KCTD8: variants seen among roughly 807,000 people sequenced by gnomAD.
KCTD8 encodes potassium channel tetramerization domain containing 8.
A neutral mutation model predicts 31.5 loss-of-function variants in KCTD8; 27 were observed. The ratio of observed to expected loss-of-function variants is 0.86; its 90% CI spans 0.63 to 1.18. The LOEUF (loss-of-function observed/expected upper bound fraction) is 1.18, where lower values mean the gene tolerates loss of function less well. KCTD8 is among the 50% of genes most tolerant of loss of function. The pLI is 0.00. For missense variants in KCTD8, 658 were observed against 647.7 expected, an observed-to-expected ratio of 1.02 and a Z score of -0.17; for synonymous variants, 290 against 280.0, an observed-to-expected ratio of 1.04 and a Z score of -0.36.
At chr4:44,285,288 A>C (rs1717030360) in intron 1 of KCTD8, among the ~76,000 whole-genome samples, 2 of 152,222 alleles carry the variant, frequency 1.3e-5, no homozygotes, top group Non-Finnish European at 1.5e-5. Context: ...AATACTATGC[A>C]CCCATAAAAC....
chr4:44,216,203 TC>T (rs1241809898), intron 1 of KCTD8, among the ~76,000 whole-genome samples: 1 of 152,190 alleles, frequency 6.6e-6, no homozygotes, highest in East Asian at 1.9e-4. Context: ...AATTTAGTTT[TC>T]TAATTCCCAT....
chr4:44,338,438 G>A (rs1472622393), intron 1 of KCTD8, among the ~76,000 whole-genome samples: 1 of 152,108 alleles, frequency 6.6e-6, no homozygotes. Flanking sequence ...AAAGACCAGA[G>A]AGAGTAGAAC....
At chr4:44,177,437 T>G (rs1253339324) in intron 1 of KCTD8, among the ~76,000 whole-genome samples, 1 of 152,136 alleles carries the variant, frequency 6.6e-6, no homozygotes, top group Non-Finnish European at 1.5e-5. Context: ...CAGGTGTTGA[T>G]GTGGTTTGGC....
At chr4:44,385,372 G>A (rs1487611029) in intron 1 of KCTD8, among the ~76,000 whole-genome samples, 2 of 151,690 alleles carry the variant, frequency 1.3e-5, no homozygotes. Flanking sequence ...GAAGGAAATA[G>A]AATAGAAAGC....
intron 1 of KCTD8, among the ~76,000 whole-genome samples, chr4:44,349,349 CA>C (rs1011632617): frequency 6.6e-6 from 1 of 152,070 alleles, no homozygotes; most frequent in African/African-American, 2.4e-5. Flanking sequence ...CAGCACTGGG[CA>C]GGGGGCACCT....
At chr4:44,318,464 A>G (rs954846728) in intron 1 of KCTD8, among the ~76,000 whole-genome samples, 1 of 152,230 alleles carries the variant, frequency 6.6e-6, no homozygotes, top group Non-Finnish European at 1.5e-5. Context: ...TTTGTGCTCA[A>G]GATGTCATCT....
chr4:44,191,734 C>T (rs917804816), intron 1 of KCTD8, among the ~76,000 whole-genome samples: 1 of 152,056 alleles, frequency 6.6e-6, no homozygotes, highest in South Asian at 2.1e-4. Context: ...GCTCTTGAAC[C>T]CTGTTTTCTG....
intron 1 of KCTD8, among the ~76,000 whole-genome samples, chr4:44,252,528 T>C (rs1393946534): frequency 2.0e-5 from 3 of 151,786 alleles, no homozygotes; most frequent in African/African-American, 7.2e-5. Context: ...CATCTGTTAT[T>C]TTTTTATTTT....
intron 1 of KCTD8, among the ~76,000 whole-genome samples, chr4:44,277,172 A>C (rs1577589434): frequency 6.6e-6 from 1 of 151,888 alleles, no homozygotes; most frequent in African/African-American, 2.4e-5. Flanking sequence ...AACTCCTAAA[A>C]TGAGTACCTC....
At chr4:44,291,997 G>T (rs1717293592) in intron 1 of KCTD8, among the ~76,000 whole-genome samples, 1 of 146,420 alleles carries the variant, frequency 6.8e-6, no homozygotes, top group South Asian at 2.2e-4. Flanking sequence ...GTGTCAGTAA[G>T]GCTGTGGAGA....
chr4:44,380,400 C>G (rs558784356), intron 1 of KCTD8, among the ~76,000 whole-genome samples: 4 of 145,826 alleles, frequency 2.7e-5, no homozygotes, highest in Admixed American at 2.1e-4. Flanking sequence ...TCAATATTGG[C>G]AAGCGAGACT....
chr4:44,238,628 T>G (rs1347123700), intron 1 of KCTD8, among the ~76,000 whole-genome samples: 1 of 152,234 alleles, frequency 6.6e-6, no homozygotes, highest in Non-Finnish European at 1.5e-5. Flanking sequence ...TACAGAATTT[T>G]AGTGTAACTC....
chr4:44,299,459 G>T (rs934489421), intron 1 of KCTD8, among the ~76,000 whole-genome samples: 1 of 152,124 alleles, frequency 6.6e-6, no homozygotes, highest in South Asian at 2.1e-4. Flanking sequence ...TGCCGGGCGC[G>T]GTGGCTCACG....
chr4:44,182,924 T>C (rs1713472204), intron 1 of KCTD8, among the ~76,000 whole-genome samples: 2 of 152,228 alleles, frequency 1.3e-5, no homozygotes, highest in Admixed American at 1.3e-4. Context: ...AACATATATA[T>C]TAAGTACTTT....
intron 1 of KCTD8, among the ~76,000 whole-genome samples, chr4:44,346,655 A>C (rs1317905133): frequency 6.6e-6 from 1 of 152,170 alleles, no homozygotes; most frequent in Non-Finnish European, 1.5e-5. Context: ...CATGAAAGAG[A>C]CTGGGTATTG....
At chr4:44,229,290 A>G (rs1715050002) in intron 1 of KCTD8, among the ~76,000 whole-genome samples, 1 of 152,200 alleles carries the variant, frequency 6.6e-6, no homozygotes, top group Non-Finnish European at 1.5e-5. Flanking sequence ...AGCAGGTGCC[A>G]GGGAGAGGCT....
At chr4:44,223,350 C>T (rs1194354001) in intron 1 of KCTD8, among the ~76,000 whole-genome samples, 2 of 152,104 alleles carry the variant, frequency 1.3e-5, no homozygotes, top group African/African-American at 4.8e-5. Flanking sequence ...TACCTGGTAA[C>T]TTTGAGATAC....
chr4:44,210,027 A>C (rs1032517150), intron 1 of KCTD8, among the ~76,000 whole-genome samples: 1 of 152,184 alleles, frequency 6.6e-6, no homozygotes, highest in African/African-American at 2.4e-5. Flanking sequence ...TAAAAAGTGG[A>C]GCTCTAAGAG....
intron 1 of KCTD8, among the ~76,000 whole-genome samples, chr4:44,283,455 G>A (rs933845917): frequency 2.0e-5 from 3 of 152,084 alleles, no homozygotes; most frequent in African/African-American, 7.2e-5. Context: ...AGGACAGGTT[G>A]ACTCTCTTGT....
Sources: gnomAD v4.1 joint callset for allele counts (sites outside exome capture counted in the v4.1 genomes callset) on GRCh38, gnomAD v4.1.1 for gene constraint, MANE v1.5 for transcripts, NCBI Gene and HGNC (gene_info 2026-07-23, HGNC 2026-07-21) for gene names.